Variants in ADAMTS13 observed in about 807,000 individuals in gnomAD.
The protein encoded by ADAMTS13 is ADAM metallopeptidase with thrombospondin type 1 motif 13, also known as A disintegrin and metalloproteinase with thrombospondin motifs 13.
In ADAMTS13, 110 loss-of-function variants were observed where a neutral mutation model predicts 155.1. The observed-to-expected ratio is 0.71, with a 90% CI of 0.61 to 0.83. The LOEUF (loss-of-function observed/expected upper bound fraction) is 0.83. Ranked by LOEUF, ADAMTS13 falls within the 40% of genes least tolerant of loss-of-function variation. ADAMTS13 has a pLI of 0.00. For synonymous variants in ADAMTS13, 758 were observed against 756.4 expected, an observed-to-expected ratio of 1.00 and a Z score of -0.03; for missense variants, 1,707 against 1,891.7, an observed-to-expected ratio of 0.90 and a Z score of 1.81.
rs781842149 is a variant in ADAMTS13, at chr9:133,444,960, G to T, written c.2518G>T (p.Ala840Ser). 2 of 1,613,524 alleles carry T rather than the reference G, an allele frequency of 1.2e-6. No homozygotes were observed. Among genetic ancestry groups the T allele is most frequent in the Non-Finnish European group, 1.7e-6 (2 of 1,180,028 alleles). ...TGTGCCAGGGGCAGATGGCCTGGAG[G>T]CTCCAGTGACTGAGGGGCCTGGCTC... ...TCVPGADGLEAPVTEGPGSVD... is the reference protein window; with the variant it reads ...TCVPGADGLESPVTEGPGSVD... The change falls in exon 20 of 29, where the codon GCT (alanine) becomes TCT (serine). Residue 840 changes from alanine to serine, a missense_variant. This residue lies in a region of ADAMTS13 where 961 missense variants were observed against 1,107.9 expected (regional missense o/e 0.87). Transcript: ENST00000355699.
At chr9:133,446,165 T>A (rs1043725842) in intron 21 of ADAMTS13, among the ~76,000 whole-genome samples, 6 of 152,198 alleles carry the variant, frequency 3.9e-5, no homozygotes, top group Admixed American at 3.9e-4. Context: ...CCCAATCTTG[T>A]TTTATTGCAG....
At chr9:133,435,561 G>A (rs1229592530) in intron 11 of ADAMTS13, among the ~76,000 whole-genome samples, 17 of 141,798 alleles carry the variant, frequency 1.2e-4, no homozygotes, top group Non-Finnish European at 2.3e-4. Flanking sequence ...ATGGAGTCTC[G>A]CTCTGTCGCC....
intron 2 of ADAMTS13, among the ~76,000 whole-genome samples, chr9:133,423,598 G>A (rs1027681852): frequency 2.0e-5 from 3 of 152,292 alleles, no homozygotes; most frequent in Middle Eastern, 3.4e-3. Flanking sequence ...TTGCCCACAG[G>A]CCCATGTCTG....
At position 133,426,313 on chromosome 9, in the gene ADAMTS13, G is replaced by A; in HGVS notation, c.654G>A (p.Leu218=). The A allele has an allele frequency of 6.2e-7, 1 of 1,604,424 alleles. No individual in the cohort carries two copies. Among genetic ancestry groups the A allele is most frequent in the Non-Finnish European group, 8.5e-7 (1 of 1,179,964 alleles). ...CLITEDTGFD[L]GVTIAHEIGH... ...TTACCGAGGACACTGGCTTCGACCTGGGAGTCACCATTGCCCATGAGATTG... is the reference window on the plus strand; with the variant it reads ...TTACCGAGGACACTGGCTTCGACCTAGGAGTCACCATTGCCCATGAGATTG... The change falls in exon 6 of 29, where the codon CTG becomes CTA. Residue 218 remains leucine (L), a synonymous_variant. Transcript: ENST00000355699.
At chr9:133,430,155 C>T in intron 8 of ADAMTS13, 54 bp downstream of exon 8, 1 of 1,541,778 alleles carries the variant, frequency 6.5e-7, no homozygotes, top group Non-Finnish European at 8.7e-7. Flanking sequence ...CCGCATCACC[C>T]AGCTCACGTC....
At chr9:133,418,328 C>T (rs897027128), upstream of ADAMTS13, among the ~76,000 whole-genome samples, 8 of 152,210 alleles carry the variant, frequency 5.3e-5, no homozygotes, top group African/African-American at 1.9e-4. Flanking sequence ...CGGGCTAGGT[C>T]GCTCGCCTGC....
At chr9:133,438,781 G>C (rs1841439530) in intron 14 of ADAMTS13, among the ~76,000 whole-genome samples, 1 of 152,058 alleles carries the variant, frequency 6.6e-6, no homozygotes, top group African/African-American at 2.4e-5. Flanking sequence ...GGGCATGATG[G>C]CGGGCGCCTG....
At chr9:133,447,901 G>T (rs1029069871) in intron 21 of ADAMTS13, among the ~76,000 whole-genome samples, 2 of 151,994 alleles carry the variant, frequency 1.3e-5, no homozygotes, top group African/African-American at 4.8e-5. Flanking sequence ...TTTCTTTTGA[G>T]GATATTCCTA....
At chr9:133,454,748 C>G (rs781924197) in intron 24 of ADAMTS13, 129 bp downstream of exon 24, 2 of 1,224,102 alleles carry the variant, frequency 1.6e-6, no homozygotes, top group Admixed American at 2.1e-5. Context: ...GAGCTGCGCC[C>G]GTTGGTGAGG....
Position 133,445,870 on chromosome 9 carries a change from T to C in ADAMTS13, c.2731+51T>C, listed in dbSNP as rs1842033311. 11 of 1,518,122 alleles carry C rather than the reference T, an allele frequency of 7.2e-6. No homozygotes were observed. The highest frequency in any genetic ancestry group is 8.8e-6 in the Non-Finnish European group (10 of 1,132,094). The allele number at this position is 1,518,122 out of a possible 1,614,324, so 94.0% of individuals were successfully genotyped here. On this transcript the variant is annotated intron_variant, in intron 21 of 28. Coordinates refer to ENST00000355699, the MANE Select transcript of ADAMTS13 (RefSeq NM_139027.6). This position sits in a 1 kb window ranked among gnomAD's most constrained non-coding sequence, Gnocchi z 5.0. ...GGACCAGCACTCATGGTAACTCTCC[T>C]GTCCACTTGCATCTTGCCTCGTTCT...
chr9:133,442,572 C>T (rs1554791168), intron 17 of ADAMTS13, 38 bp downstream of exon 17: 2 of 1,613,388 alleles, frequency 1.2e-6, no homozygotes, highest in East Asian at 2.2e-5. Flanking sequence ...GCACGGCTTG[C>T]CCCTGCAGGG....
chr9:133,434,086 ACT>A (rs1020868119), intron 11 of ADAMTS13, among the ~76,000 whole-genome samples: 1 of 150,758 alleles, frequency 6.6e-6, no homozygotes, highest in African/African-American at 2.4e-5. Flanking sequence ...ACAGAGTGAG[ACT>A]CTGTCTCAAA....
chr9:133,438,411 C>T (rs1275929013), intron 14 of ADAMTS13, 45 bp downstream of exon 14: 4 of 1,609,454 alleles, frequency 2.5e-6, no homozygotes, highest in Non-Finnish European at 3.4e-6. Flanking sequence ...CCCCCAGCCT[C>T]CAAGATGGCC....
At chr9:133,433,357 G>T (rs781791223) in intron 9 of ADAMTS13, 21 bp from the exon 10 acceptor site, 2 of 1,612,122 alleles carry the variant, frequency 1.2e-6, no homozygotes, top group African/African-American at 2.7e-5. Context: ...GATGGGAGAT[G>T]AAGCCATCCT....
At position 133,430,496 on chromosome 9, in the gene ADAMTS13, G is replaced by A. The variant is rs587714291; in HGVS notation, c.987+395G>A. ...CCCACAGCAGAAGTGGGGCTGGTAG[G>A]GGGAGGGGAGATGAAGGAGAGCAGG... On this transcript the variant is annotated intron_variant, in intron 8 of 28. Transcript: ENST00000355699. Among the ~76,000 whole-genome samples, 12 of 152,260 alleles carry A rather than the reference G, an allele frequency of 7.9e-5. No homozygotes were observed. The South Asian group carries it at 2.3e-3, about 29-fold the overall frequency.
intron 27 of ADAMTS13, 135 bp from the exon 28 acceptor site, chr9:133,457,775 A>T: frequency 8.8e-7 from 1 of 1,132,062 alleles, no homozygotes. Context: ...GGTGGGGTTC[A>T]GCAGGATTTG....
chr9:133,426,532 T>C (rs1554785353), intron 6 of ADAMTS13, among the ~76,000 whole-genome samples, 187 bp downstream of exon 6: 2 of 152,222 alleles, frequency 1.3e-5, no homozygotes, highest in Non-Finnish European at 2.9e-5. Flanking sequence ...AGAACTTTTT[T>C]TCCAAAAGAC....
intron 15 of ADAMTS13, 115 bp downstream of exon 15, chr9:133,439,561 C>A: frequency 2.2e-6 from 2 of 901,638 alleles, no homozygotes; most frequent in Non-Finnish European, 3.7e-6. Flanking sequence ...TTCCCCAAAC[C>A]ACCCTCAGGC....
At chr9:133,428,957 G>A (rs1554786130) in intron 7 of ADAMTS13, among the ~76,000 whole-genome samples, 186 bp downstream of exon 7, 3 of 95,692 alleles carry the variant, frequency 3.1e-5, no homozygotes, top group Non-Finnish European at 6.1e-5. Flanking sequence ...GCGGGCGCGC[G>A]AGCCTCCAGC....
Sources: allele counts gnomAD v4.1 joint callset (sites outside exome capture counted in the v4.1 genomes callset), GRCh38; gene constraint gnomAD v4.1.1; regional missense constraint gnomAD v4.1.1; non-coding constraint Gnocchi (gnomAD v3.1); transcripts MANE v1.5; gene names NCBI Gene and HGNC (gene_info 2026-07-23, HGNC 2026-07-21).